The following MYO15A variants were observed in gnomAD, a reference collection of about 807,000 sequenced individuals.
MYO15A encodes the protein unconventional myosin-XV.
In MYO15A, 308 loss-of-function variants were observed where a neutral mutation model predicts 394.6. That is an observed-to-expected ratio of 0.78 (90% CI 0.71 to 0.86). The LOEUF is 0.86. Among genes scored for constraint, MYO15A ranks in the 40% least tolerant of loss-of-function variants. The pLI, the probability that MYO15A is intolerant of heterozygous loss-of-function variation, is 0.00. For synonymous variants in MYO15A, 1,957 were observed against 2,003.8 expected (o/e 0.98, Z 0.62); for missense variants, 4,606 against 4,799.1 (o/e 0.96, Z 1.19).
At chr17:18,122,693 C>A (rs2045960849) in intron 2 of MYO15A, 2 of 454,240 alleles carry the variant, frequency 4.4e-6, no homozygotes, top group Non-Finnish European at 7.8e-6. Flanking sequence ...GGGCCCTGGG[C>A]AGCCCTGCCC....
intron 55 of MYO15A, 70 bp downstream of exon 55, chr17:18,159,749 A>C: frequency 2.6e-6 from 4 of 1,560,440 alleles, no homozygotes; most frequent in Non-Finnish European, 3.5e-6. Flanking sequence ...TCTATCAATG[A>C]GTCACAGGAC....
At chr17:18,154,590 C>A in intron 44 of MYO15A, 90 bp from the exon 45 acceptor site, 1 of 1,366,832 alleles carries the variant, frequency 7.3e-7, no homozygotes, top group South Asian at 1.2e-5. Context: ...TGGGACCCCT[C>A]CCACATTGCC....
chr17:18,173,015 C>G (rs958504127), intron 64 of MYO15A, among the ~76,000 whole-genome samples: 1 of 152,038 alleles, frequency 6.6e-6, no homozygotes, highest in Non-Finnish European at 1.5e-5. Context: ...AGAGTTGATT[C>G]CAGGAAACAC....
At chr17:18,126,494 GC>G in intron 5 of MYO15A, 38 bp downstream of exon 5, 1 of 1,576,332 alleles carries the variant, frequency 6.3e-7, no homozygotes. Context: ...GGTCTCTTGG[GC>G]CCCTCTTTCC....
At chr17:18,156,424 CA>C in intron 48 of MYO15A, 88 bp downstream of exon 48, 1 of 1,459,884 alleles carries the variant, frequency 6.8e-7, no homozygotes, top group Non-Finnish European at 9.4e-7. Flanking sequence ...TGACTGTGTC[CA>C]TAGATTTCTG....
chr17:18,114,389 T>C (rs2045760623), intron 1 of MYO15A, among the ~76,000 whole-genome samples: 1 of 151,934 alleles, frequency 6.6e-6, no homozygotes, highest in African/African-American at 2.4e-5. Flanking sequence ...GTAGCTGCAA[T>C]TACAGGCATG....
In MYO15A at chr17:18,125,241, G is replaced by A; in HGVS notation, c.3756+10G>A. 2 of 1,613,810 alleles carry A rather than the reference G, an allele frequency of 1.2e-6. No homozygotes were observed. The highest frequency in any genetic ancestry group is 2.2e-5 in the South Asian group (2 of 91,084). ...ACGGAACCTCATCTACGTAAGGCCT[G>A]GGGCTGGCCCTGCCCTGGGCCTAGG... On this transcript the variant is annotated intron_variant, in intron 4 of 65. Transcript: ENST00000647165.
Position 18,124,193 on chromosome 17 carries a change from T to C in MYO15A, c.3610-290T>C, listed in dbSNP as rs997611623. The C allele has an allele frequency of 1.5e-5, 7 of 466,684 alleles. No individual in the cohort carries two copies. The Admixed American group carries it at 2.3e-4, about 15-fold the overall frequency. 28.9% of individuals were successfully genotyped at this position (466,684 alleles called of 1,614,324 possible). A position where few individuals can be genotyped will look rare whatever the true frequency, so the allele number is the denominator to read the frequency against. On this transcript the variant is annotated intron_variant, in intron 2 of 65. Coordinates refer to ENST00000647165, the MANE Select transcript of MYO15A (RefSeq NM_016239.4). Reference sequence around the variant, plus strand: ...TTGCGGTTGGGAGGGAGCTGGCCCATGCGCCCATGTACCTGCATATGCCTT... The same window carrying C: ...TTGCGGTTGGGAGGGAGCTGGCCCACGCGCCCATGTACCTGCATATGCCTT...
chr17:18,137,246 C>T (rs538010741), intron 15 of MYO15A, among the ~76,000 whole-genome samples: 5 of 152,374 alleles, frequency 3.3e-5, no homozygotes, highest in African/African-American at 1.2e-4. Context: ...TTCATCCTTA[C>T]AGCAACCCTA....
Position 18,143,720 on chromosome 17 carries a change from G to A in MYO15A, c.5970G>A (p.Leu1990=), listed in dbSNP as rs1385856144. The change falls in exon 27 of 66, where the codon CTG becomes CTA. Residue 1990 remains leucine, a synonymous_variant. Transcript: ENST00000647165. ...CCCATGCACTGTCCCTCTAGGAGCT[G>A]AGCAAGCGGGAGGTAGTCGCTGTGG... ...EGALLWEQEE[L]SKREVVAVGH... is the part of the protein sequence containing the mutation. 1.9e-6 allele frequency: 3 copies of A among 1,595,972 alleles called. No homozygotes were observed. Among genetic ancestry groups the A allele is most frequent in the South Asian group, 1.1e-5 (1 of 87,980 alleles).
rs1319602181 is a variant in MYO15A, at chr17:18,151,345, T to C, written c.7655-50T>C. Reference sequence around the variant, plus strand: ...TCCCAGGACAGGCCTGGTGGTGTGGTTGTGCCCCTTGTGGCCTCACCCTGT... The same window carrying C: ...TCCCAGGACAGGCCTGGTGGTGTGGCTGTGCCCCTTGTGGCCTCACCCTGT... On this transcript the variant is annotated intron_variant, in intron 39 of 65. Transcript: ENST00000647165. The C allele has an allele frequency of 3.7e-6, 6 of 1,614,066 alleles. No individual in the cohort carries two copies. In the African/African-American group the frequency reaches 6.7e-5, roughly 18 times the overall value.
rs1354488951 is a variant in MYO15A at position 18,147,400 on chromosome 17, C to G, written c.6510-629C>G. ...GAGGGCATGGTGCTAGGTTCCCTCT[C>G]TAGCTACTGTGGGCCTGCACCAGTG... On this transcript the variant is annotated intron_variant, in intron 30 of 65. Coordinates refer to ENST00000647165, the MANE Select transcript of MYO15A (RefSeq NM_016239.4). This position sits in a 1 kb window ranked among gnomAD's most constrained non-coding sequence, Gnocchi z 4.4. 1.3e-5 allele frequency among the ~76,000 whole-genome samples: 2 copies of G among 152,212 alleles called. No individual in the cohort carries two copies. Among genetic ancestry groups the G allele is most frequent in the Non-Finnish European group, 2.9e-5 (2 of 68,038 alleles).
At position 18,126,851 on chromosome 17, in the gene MYO15A, G is replaced by A; in HGVS notation, c.3927G>A (p.Gln1309=). 2 of 1,614,086 alleles carry A rather than the reference G, an allele frequency of 1.2e-6. No homozygotes were observed. The highest frequency in any genetic ancestry group is 2.2e-5 in the South Asian group (2 of 91,084). The change falls in exon 6 of 66, where the codon CAG becomes CAA. Residue 1309 remains glutamine (Q), a synonymous_variant. Coordinates refer to ENST00000647165, the MANE Select transcript of MYO15A (RefSeq NM_016239.4). Reference sequence around the variant, plus strand: ...AAATGCTCGATGCCAAACAGAACCAGTGCATAATCATTAGGTGAGTGGGCT... The same window carrying A: ...AAATGCTCGATGCCAAACAGAACCAATGCATAATCATTAGGTGAGTGGGCT... ...FAKMLDAKQN[Q]CIIISGESGS...
rs1407408790 is a variant in MYO15A at position 18,147,215 on chromosome 17, G to A, written c.6510-814G>A. On this transcript the variant is annotated intron_variant, in intron 30 of 65. Transcript: ENST00000647165. The surrounding 1 kb of genome is among the most constrained non-coding windows in gnomAD (Gnocchi z 4.4). ...GTTTCTTCCCTATAATTTGGGGATG[G>A]CAACAGAACCCACCTAACAGGGTGG... Among the ~76,000 whole-genome samples, 1 of 152,176 alleles carries A rather than the reference G, an allele frequency of 6.6e-6. No homozygotes were observed. The highest frequency in any genetic ancestry group is 1.5e-5 in the Non-Finnish European group (1 of 68,036).
intron 7 of MYO15A, among the ~76,000 whole-genome samples, chr17:18,129,396 G>C (rs9915686): frequency 0.014 from 2,170 of 152,274 alleles, 45 homozygotes; most frequent in African/African-American, 0.05. Flanking sequence ...GAAAGCCCAG[G>C]CAGACCTTGA....
At chr17:18,116,261 C>G (rs535051448) in intron 1 of MYO15A, among the ~76,000 whole-genome samples, 1 of 152,244 alleles carries the variant, frequency 6.6e-6, no homozygotes, top group South Asian at 2.1e-4. Flanking sequence ...GGGCCCTCCC[C>G]CTCCAGGCAG....
At chr17:18,151,032 C>T in intron 38 of MYO15A, 78 bp from the exon 39 acceptor site, 1 of 1,608,674 alleles carries the variant, frequency 6.2e-7, no homozygotes, top group Non-Finnish European at 8.5e-7. Context: ...CACAACCCAT[C>T]TCTGACAGAG....
rs759792279 is a variant in MYO15A at position 18,141,114 on chromosome 17, G to A, written c.5502G>A (p.Val1834=). The A allele has an allele frequency of 1.1e-5, 17 of 1,613,828 alleles. No homozygotes were observed. In the Admixed American group the frequency reaches 2.7e-4, roughly 25 times the overall value. The change falls in exon 22 of 66, where the codon GTG becomes GTA. Residue 1834 remains valine (V), a synonymous_variant. Transcript: ENST00000647165. ...GGATCCGCAAGGAGGGATTTCCAGTGCGCCTGCCTTTCCAGGGGTTCATCG... is the reference window on the plus strand; with the variant it reads ...GGATCCGCAAGGAGGGATTTCCAGTACGCCTGCCTTTCCAGGGGTTCATCG... ...TVRIRKEGFP[V]RLPFQGFIDR... is the part of the protein sequence containing the mutation.
intron 56 of MYO15A, among the ~76,000 whole-genome samples, chr17:18,160,522 C>G (rs2046759346): frequency 6.6e-6 from 1 of 152,204 alleles, no homozygotes; most frequent in Non-Finnish European, 1.5e-5. Context: ...CCAATATTTG[C>G]TGTAGAAATT....
Sources: allele counts gnomAD v4.1 joint callset (sites outside exome capture counted in the v4.1 genomes callset), GRCh38; gene constraint gnomAD v4.1.1; non-coding constraint Gnocchi (gnomAD v3.1); transcripts MANE v1.5; gene names NCBI Gene and HGNC (gene_info 2026-07-23, HGNC 2026-07-21).